The following RNF170 variants were observed in gnomAD, a reference collection of about 807,000 sequenced individuals.
RNF170 encodes E3 ubiquitin-protein ligase RNF170.
Under a neutral mutation model 32.7 loss-of-function variants are expected in RNF170, and 12 were observed. That is an observed-to-expected ratio of 0.37 (90% CI 0.24 to 0.60). The LOEUF (loss-of-function observed/expected upper bound fraction) is 0.60. RNF170 is among the 20% of genes least tolerant of loss of function. RNF170 has a pLI of 0.72. For synonymous variants in RNF170, 91 were observed against 103.6 expected, an observed-to-expected ratio of 0.88 and a Z score of 0.74; for missense variants, 212 against 311.2, an observed-to-expected ratio of 0.68 and a Z score of 2.40.
chr8:42,883,496 G>T (rs1805575624), intron 2 of RNF170, among the ~76,000 whole-genome samples: 2 of 150,964 alleles, frequency 1.3e-5, no homozygotes, highest in South Asian at 4.2e-4. Flanking sequence ...TTGAACCCGG[G>T]AGGCGGAGCT....
chr8:42,858,736 A>G (rs1803431929), intron 6 of RNF170, among the ~76,000 whole-genome samples: 1 of 152,236 alleles, frequency 6.6e-6, no homozygotes, highest in South Asian at 2.1e-4. Flanking sequence ...GTCAGGTGTG[A>G]CAGCCTTAAG....
At chr8:42,869,428 A>G (rs1008457957) in intron 4 of RNF170, among the ~76,000 whole-genome samples, 3 of 152,226 alleles carry the variant, frequency 2.0e-5, no homozygotes, top group African/African-American at 7.2e-5. Flanking sequence ...GTGTGAAATT[A>G]TTCCCTTCTT....
At chr8:42,889,840 T>A (rs1408029472) in intron 1 of RNF170, among the ~76,000 whole-genome samples, 1 of 152,114 alleles carries the variant, frequency 6.6e-6, no homozygotes, top group East Asian at 1.9e-4. Flanking sequence ...CGGAGTCAAT[T>A]TAGGTTTTTA....
At chr8:42,889,705 T>C (rs1806136466) in intron 1 of RNF170, among the ~76,000 whole-genome samples, 1 of 152,148 alleles carries the variant, frequency 6.6e-6, no homozygotes, top group Non-Finnish European at 1.5e-5. Context: ...TTCAAGTAAC[T>C]ATTACGAAGG....
rs3739351 is a variant in RNF170 at position 42,854,443 on chromosome 8, C to T, written c.*1716G>A. ...CTATGAAAGGGAAGTTGGTGTCCTG[C>T]GTTCCTCACAAAATTATCCAAAGGA... On this transcript the variant is annotated 3_prime_UTR_variant, in exon 7 of 7. Transcript: ENST00000527424. 20 of 1,287,122 alleles carry T rather than the reference C, an allele frequency of 1.6e-5. No individual in the cohort carries two copies. The highest frequency in any genetic ancestry group is 3.7e-5 in the South Asian group (3 of 80,932). 79.7% of individuals were successfully genotyped at this position (1,287,122 alleles called of 1,614,324 possible).
intron 4 of RNF170, among the ~76,000 whole-genome samples, chr8:42,866,558 G>A (rs192473982): frequency 1.3e-4 from 20 of 151,508 alleles, no homozygotes; most frequent in African/African-American, 4.4e-4. Flanking sequence ...CACTATAGCC[G>A]GCTGACAGTG....
At chr8:42,864,393 G>A (rs910975184) in intron 5 of RNF170, among the ~76,000 whole-genome samples, 5 of 151,976 alleles carry the variant, frequency 3.3e-5, no homozygotes, top group South Asian at 4.2e-4. Context: ...GAGCTACTGC[G>A]CCCACCCTGT....
chr8:42,873,795 TATAAA>T, intron 3 of RNF170, 131 bp downstream of exon 3: 1 of 652,102 alleles, frequency 1.5e-6, no homozygotes, highest in South Asian at 1.8e-5. Flanking sequence ...ATATACAATC[TATAAA>T]ATAATATAAG....
chr8:42,882,775 G>T (rs949012328), intron 2 of RNF170, among the ~76,000 whole-genome samples: 10 of 152,026 alleles, frequency 6.6e-5, no homozygotes, highest in African/African-American at 2.4e-4. Flanking sequence ...AACACCACAT[G>T]ATCAGGCCGG....
chr8:42,887,658 T>C (rs762095992), intron 2 of RNF170, 70 bp downstream of exon 2: 90 of 1,340,672 alleles, frequency 6.7e-5, no homozygotes, highest in Non-Finnish European at 8.9e-5. Flanking sequence ...TTAAGTATTA[T>C]ACATTATTAG....
At chr8:42,863,980 AGTGTGTGTGT>A (rs71231874) in intron 5 of RNF170, among the ~76,000 whole-genome samples, 12 of 139,584 alleles carry the variant, frequency 8.6e-5, no homozygotes, top group African/African-American at 1.6e-4. Context: ...AGAGAGAGAG[AGTGTGTGTGT>A]GTGTGTGTGT....
intron 2 of RNF170, among the ~76,000 whole-genome samples, chr8:42,879,636 G>A (rs548182688): frequency 6.7e-4 from 102 of 152,218 alleles, no homozygotes; most frequent in Non-Finnish European, 1.2e-3. Flanking sequence ...GGGCAACACA[G>A]TGAGACTCCA....
intron 2 of RNF170, among the ~76,000 whole-genome samples, chr8:42,874,348 T>C (rs867004057): frequency 9.2e-5 from 14 of 152,362 alleles, no homozygotes; most frequent in African/African-American, 3.4e-4. Flanking sequence ...TTACCTACTA[T>C]TATGCATTTG....
chr8:42,854,040 C>G lies in RNF170; in HGVS notation c.*2119G>C. On this transcript the variant is annotated 3_prime_UTR_variant, in exon 7 of 7. Transcript: ENST00000527424. ...AATTGGTAGGAAATGCATTTCCAGT[C>G]TGGTACATGGCAGTGTGACAAACTC... 7.8e-7 allele frequency: 1 copy of G among 1,287,224 alleles called. No individual in the cohort carries two copies. Among genetic ancestry groups the G allele is most frequent in the Non-Finnish European group, 1.0e-6 (1 of 988,682 alleles). 79.7% of individuals were successfully genotyped at this position (1,287,224 alleles called of 1,614,324 possible).
At chr8:42,877,661 T>C (rs1056972894) in intron 2 of RNF170, among the ~76,000 whole-genome samples, 1 of 152,174 alleles carries the variant, frequency 6.6e-6, no homozygotes, top group Non-Finnish European at 1.5e-5. Flanking sequence ...ACTTAAGAGT[T>C]AAAACTATAC....
intron 6 of RNF170, among the ~76,000 whole-genome samples, chr8:42,857,833 G>C (rs1803354201): frequency 6.6e-6 from 1 of 152,134 alleles, no homozygotes; most frequent in Non-Finnish European, 1.5e-5. Context: ...CAAGAGTTTT[G>C]AGATCAGCCT....
chr8:42,860,205 G>A (rs1033127906), intron 6 of RNF170, among the ~76,000 whole-genome samples: 4 of 152,142 alleles, frequency 2.6e-5, no homozygotes, highest in African/African-American at 9.7e-5. Context: ...AGAGGTCTGG[G>A]CTGTCCATAT....
At chr8:42,896,964 G>T (rs1806986070), upstream of RNF170, 1 of 424,002 alleles carries the variant, frequency 2.4e-6, no homozygotes, top group Non-Finnish European at 4.0e-6. Flanking sequence ...GAGGGGCGCT[G>T]GGGGTGACGG....
At position 42,896,492 on chromosome 8, in the gene RNF170, C is replaced by T. The variant is rs953943622; in HGVS notation, c.-16G>A. 14 of 453,860 alleles carry T rather than the reference C, an allele frequency of 3.1e-5. No homozygotes were observed. Among genetic ancestry groups the T allele is most frequent in the Non-Finnish European group, 5.7e-5 (13 of 226,726 alleles). 28.1% of individuals were successfully genotyped at this position (453,860 alleles called of 1,614,324 possible). ...CCGCGCGCCGGACGTACCTCTCCAC[C>T]GCGAAGGAACTACCTCGCCAGTTCC... is the stretch of plus-strand genomic sequence containing the variant. On this transcript the variant is annotated 5_prime_UTR_variant, in exon 1 of 7. Coordinates refer to ENST00000527424, the MANE Select transcript of RNF170 (RefSeq NM_030954.4).
Sources: allele counts gnomAD v4.1 joint callset (sites outside exome capture counted in the v4.1 genomes callset), GRCh38; gene constraint gnomAD v4.1.1; transcripts MANE v1.5; gene names NCBI Gene and HGNC (gene_info 2026-07-23, HGNC 2026-07-21).